Variants in DNAH10 observed in about 807,000 individuals in gnomAD.
DNAH10 encodes the protein dynein axonemal heavy chain 10, also known as axonemal beta dynein heavy chain 10.
DNAH10 carries 348 observed loss-of-function variants against 506.6 expected under a neutral mutation model. The ratio of observed to expected loss-of-function variants is 0.69; its 90% CI spans 0.63 to 0.75. The LOEUF (loss-of-function observed/expected upper bound fraction) is 0.75. Among genes scored for constraint, DNAH10 ranks in the 30% least tolerant of loss-of-function variants. The pLI is 0.00. For synonymous variants in DNAH10, 2,059 were observed against 2,198.6 expected (o/e 0.94, Z 1.78); for missense variants, 5,179 against 5,787.1 (o/e 0.89, Z 3.41).
intron 57 of DNAH10, among the ~76,000 whole-genome samples, chr12:123,904,001 T>C (rs947627680): frequency 3.9e-5 from 6 of 152,186 alleles, no homozygotes; most frequent in African/African-American, 1.4e-4. Context: ...GAGCGGTGCA[T>C]GTTCCCTGTG....
chr12:123,881,517 A>G, intron 50 of DNAH10, 108 bp from the exon 51 acceptor site: 1 of 1,144,610 alleles, frequency 8.7e-7, no homozygotes, highest in Non-Finnish European at 1.2e-6. Flanking sequence ...TTTCTCGTAA[A>G]TTTGTTTAAG....
intron 52 of DNAH10, among the ~76,000 whole-genome samples, chr12:123,891,177 C>T (rs778574019): frequency 1.1e-4 from 17 of 152,196 alleles, no homozygotes; most frequent in Non-Finnish European, 1.8e-4. Context: ...CACAGAACTC[C>T]AGTCCCTGTC....
intron 28 of DNAH10, among the ~76,000 whole-genome samples, chr12:123,837,254 G>A (rs949463303): frequency 6.6e-6 from 1 of 151,168 alleles, no homozygotes; most frequent in South Asian, 2.1e-4. Flanking sequence ...TGAGGTGGGA[G>A]GATCGCTTGA....
intron 28 of DNAH10, among the ~76,000 whole-genome samples, chr12:123,836,937 C>T (rs932484985): frequency 3.4e-5 from 5 of 146,778 alleles, no homozygotes; most frequent in Non-Finnish European, 6.0e-5. Flanking sequence ...TCTGTAAGCT[C>T]CACATCCTGG....
chr12:123,817,209 C>A (rs1202727901), intron 21 of DNAH10, among the ~76,000 whole-genome samples: 7 of 107,978 alleles, frequency 6.5e-5, no homozygotes, highest in Non-Finnish European at 1.4e-4. Context: ...TTTTGTTCTT[C>A]TTTTTTTTTT....
intron 5 of DNAH10, among the ~76,000 whole-genome samples, chr12:123,775,119 T>C (rs1957391424): frequency 6.6e-6 from 1 of 152,232 alleles, no homozygotes. Context: ...CTTTCTTTTT[T>C]ATTTTTATTG....
Position 123,833,309 on chromosome 12 carries a change from T to C in DNAH10, c.4741T>C (p.Trp1581Arg). Reference protein sequence around the residue: ...VGPFLQTVHKWEKTLSLIGEV... With the variant: ...VGPFLQTVHKREKTLSLIGEV... Reference sequence around the variant, plus strand: ...GCCTTTTCTGCAAACTGTTCACAAATGGGAAAAAACGCTTTCTCTAATAGG... The same window carrying C: ...GCCTTTTCTGCAAACTGTTCACAAACGGGAAAAAACGCTTTCTCTAATAGG... Residue 1581 changes from tryptophan to arginine, a missense_variant, in exon 27 of 79, where the codon TGG becomes CGG. By Grantham distance (101) the Trp-to-Arg change is moderately radical. This residue lies in a region of DNAH10 where 4,844 missense variants were observed against 5,430.5 expected (regional missense o/e 0.89). Coordinates refer to ENST00000673944, the MANE Select transcript of DNAH10 (RefSeq NM_001372106.1). 4 of 1,613,314 alleles carry C rather than the reference T, an allele frequency of 2.5e-6. No homozygotes were observed. The highest frequency in any genetic ancestry group is 3.4e-6 in the Non-Finnish European group (4 of 1,179,640).
At position 123,919,761 on chromosome 12, in the gene DNAH10, G is replaced by T. The variant is rs1047283464; in HGVS notation, c.11506+812G>T. On this transcript the variant is annotated intron_variant, in intron 65 of 78. Coordinates refer to ENST00000673944, the MANE Select transcript of DNAH10 (RefSeq NM_001372106.1). The surrounding 1 kb of genome is among the most constrained non-coding windows in gnomAD (Gnocchi z 4.9). ...CTTTCACTCCACTCCGTGACCTCACGGTTCATCCGTGTTGCTGCGTGTGTC... is the reference window on the plus strand; with the variant it reads ...CTTTCACTCCACTCCGTGACCTCACTGTTCATCCGTGTTGCTGCGTGTGTC... Among the ~76,000 whole-genome samples, 1 of 152,188 alleles carries T rather than the reference G, an allele frequency of 6.6e-6. No individual in the cohort carries two copies. Among genetic ancestry groups the T allele is most frequent in the African/African-American group, 2.4e-5 (1 of 41,456 alleles).
chr12:123,852,366 A>G (rs1951208452), intron 35 of DNAH10, among the ~76,000 whole-genome samples: 1 of 152,198 alleles, frequency 6.6e-6, no homozygotes, highest in Non-Finnish European at 1.5e-5. Flanking sequence ...TACTTTTAAC[A>G]TAGAGGGTTG....
intron 10 of DNAH10, 33 bp from the exon 11 acceptor site, chr12:123,789,894 G>A: frequency 2.5e-6 from 4 of 1,587,212 alleles, no homozygotes; most frequent in Non-Finnish European, 3.4e-6. Flanking sequence ...AAACCCAAAT[G>A]TAATCTCCTC....
chr12:123,786,320 A>G (rs1957849311), intron 9 of DNAH10, among the ~76,000 whole-genome samples: 1 of 151,320 alleles, frequency 6.6e-6, no homozygotes, highest in Non-Finnish European at 1.5e-5. Context: ...CTGTCTCAAA[A>G]AAAAAAAAAG....
intron 37 of DNAH10, 110 bp downstream of exon 37, chr12:123,857,357 ATC>A (rs1951436452): frequency 1.7e-5 from 16 of 949,816 alleles, no homozygotes; most frequent in Non-Finnish European, 2.3e-5. Flanking sequence ...AAGTTTCACC[ATC>A]TTAACCATTT....
chr12:123,775,001 G>A (rs1033480737), intron 5 of DNAH10, among the ~76,000 whole-genome samples: 2 of 152,230 alleles, frequency 1.3e-5, no homozygotes, highest in African/African-American at 4.8e-5. Context: ...ATACCGACAA[G>A]TGGCATGAGG....
intron 62 of DNAH10, 97 bp downstream of exon 62, chr12:123,915,096 C>A: frequency 1.4e-6 from 2 of 1,405,696 alleles, no homozygotes; most frequent in Non-Finnish European, 1.9e-6. Flanking sequence ...CTAGCCTCAG[C>A]GAGGCTGGGC....
At chr12:123,819,553 A>AGC (rs1282034114) in intron 23 of DNAH10, among the ~76,000 whole-genome samples, 1 of 152,146 alleles carries the variant, frequency 6.6e-6, no homozygotes, top group African/African-American at 2.4e-5. Flanking sequence ...CTTAAACACC[A>AGC]GCGACTGCCT....
intron 51 of DNAH10, among the ~76,000 whole-genome samples, chr12:123,886,607 C>T (rs1952744558): frequency 6.6e-6 from 1 of 151,790 alleles, no homozygotes; most frequent in Admixed American, 6.6e-5. Flanking sequence ...GTGAGTGAAG[C>T]GTGTGTGTCA....
chr12:123,779,614 A>AGAGAGG (rs1034525931), intron 5 of DNAH10, among the ~76,000 whole-genome samples: 3 of 151,474 alleles, frequency 2.0e-5, no homozygotes, highest in Non-Finnish European at 4.4e-5. Flanking sequence ...GGAGAGAGAG[A>AGAGAGG]GAGAGAGAAA....
intron 71 of DNAH10, 59 bp downstream of exon 71, chr12:123,929,543 C>T: frequency 8.8e-6 from 14 of 1,584,872 alleles, no homozygotes; most frequent in African/African-American, 1.3e-5. Flanking sequence ...TTCCTCCCGA[C>T]TTTCCTCCGG....
At position 123,833,298 on chromosome 12, in the gene DNAH10, CTG is replaced by C; in HGVS notation, c.4732_4733del (p.Val1578SerfsTer15). 1 of 1,613,706 alleles carries C rather than the reference CTG, an allele frequency of 6.2e-7. No homozygotes were observed. Among genetic ancestry groups the C allele is most frequent in the Non-Finnish European group, 8.5e-7 (1 of 1,179,790 alleles). On this transcript the variant is annotated frameshift_variant, in exon 27 of 79. Coordinates refer to ENST00000673944, the MANE Select transcript of DNAH10 (RefSeq NM_001372106.1). LOFTEE classifies it high-confidence loss of function. ...AGATTTGTGGGGCCTTTTCTGCAAA[CTG>C]TTCACAAATGGGAAAAAACGCTTTC...
Sources: allele counts gnomAD v4.1 joint callset (sites outside exome capture counted in the v4.1 genomes callset), GRCh38; gene constraint gnomAD v4.1.1; regional missense constraint gnomAD v4.1.1; non-coding constraint Gnocchi (gnomAD v3.1); transcripts MANE v1.5; gene names NCBI Gene and HGNC (gene_info 2026-07-23, HGNC 2026-07-21).